The following MAN1A1 variants were observed in gnomAD, a reference collection of about 807,000 sequenced individuals.
MAN1A1 encodes the protein mannosyl-oligosaccharide 1,2-alpha-mannosidase IA.
Under a neutral mutation model 70.8 loss-of-function variants are expected in MAN1A1, and 29 were observed. The observed-to-expected ratio is 0.41, with a 90% CI of 0.31 to 0.56. MAN1A1 has a LOEUF of 0.56. MAN1A1 is among the 20% of genes least tolerant of loss of function. MAN1A1 has a pLI of 0.29. For synonymous variants in MAN1A1, 349 were observed against 330.1 expected (o/e 1.06, Z -0.62); for missense variants, 747 against 841.3 (o/e 0.89, Z 1.39).
chr6:119,183,229 T>C (rs1403502339), intron 11 of MAN1A1, among the ~76,000 whole-genome samples: 2 of 152,090 alleles, frequency 1.3e-5, no homozygotes, highest in Non-Finnish European at 2.9e-5. Context: ...GCCACATGAA[T>C]AAAGAAAATA....
At chr6:119,227,000 T>A in intron 6 of MAN1A1, among the ~76,000 whole-genome samples, 1 of 152,206 alleles carries the variant, frequency 6.6e-6, no homozygotes. Context: ...GCAGTTTTAC[T>A]TATGATCACT....
intron 2 of MAN1A1, among the ~76,000 whole-genome samples, chr6:119,320,088 T>C (rs1772966180): frequency 6.6e-6 from 1 of 152,208 alleles, no homozygotes; most frequent in East Asian, 1.9e-4. Context: ...ATTCTTCTGC[T>C]TCAGCCTCCC....
At chr6:119,272,320 C>G (rs1775946978) in intron 5 of MAN1A1, among the ~76,000 whole-genome samples, 1 of 152,086 alleles carries the variant, frequency 6.6e-6, no homozygotes, top group South Asian at 2.1e-4. Flanking sequence ...ACCAGGTTTT[C>G]TTTTTTCTCC....
intron 5 of MAN1A1, among the ~76,000 whole-genome samples, chr6:119,279,679 C>T (rs1776176820): frequency 6.6e-6 from 1 of 152,144 alleles, no homozygotes; most frequent in Non-Finnish European, 1.5e-5. Flanking sequence ...ATTTATTTGC[C>T]ACCAAGTCTA....
chr6:119,303,749 A>G (rs1442409203), intron 3 of MAN1A1, among the ~76,000 whole-genome samples: 1 of 152,182 alleles, frequency 6.6e-6, no homozygotes, highest in Non-Finnish European at 1.5e-5. Context: ...GCCGCACTCC[A>G]GGTAGACTAC....
At position 119,348,764 on chromosome 6, in the gene MAN1A1, C is replaced by T. The variant is rs777816784; in HGVS notation, c.302G>A (p.Arg101Gln). ...TGCCCCCTCCTCGCGGCGCCGGGCT[C>T]GCCCCTCGGCCGCGTCCTCGGCGCG... ...GARAEDAAEG[R>Q]ARRREEGAPG... The change falls in exon 2 of 13, where the codon CGA (arginine) becomes CAA (glutamine). Residue 101 changes from arginine to glutamine, a missense_variant. Arg to Gln is a conservative substitution (Grantham distance 43). Around this residue, in one of 2 missense-constraint regions of MAN1A1, gnomAD observed 328 missense variants for 293.1 expected, o/e 1.12. Transcript: ENST00000368468. 7.5e-6 allele frequency: 11 copies of T among 1,476,410 alleles called. No homozygotes were observed. The highest frequency in any genetic ancestry group is 2.8e-5 in the South Asian group (2 of 71,086). The allele number at this position is 1,476,410 out of a possible 1,614,324, so 91.5% of individuals were successfully genotyped here. A position where few individuals can be genotyped will look rare whatever the true frequency, so the allele number is the denominator to read the frequency against.
Position 119,180,024 on chromosome 6 carries a change from A to G in MAN1A1, c.1836-79T>C, listed in dbSNP as rs1364355528. On this transcript the variant is annotated intron_variant, in intron 12 of 12. Transcript: ENST00000368468. ...ACCACAAACACACAGCAAAAACCAC[A>G]TCAATGTCTGCATTCATCTTACCAA... is the stretch of plus-strand genomic sequence containing the variant. The G allele has an allele frequency of 2.1e-6, 3 of 1,407,480 alleles. No homozygotes were observed. The African/African-American group carries it at 4.3e-5, about 20-fold the overall frequency. 87.2% of individuals were successfully genotyped at this position (1,407,480 alleles called of 1,614,324 possible). A position where few individuals can be genotyped will look rare whatever the true frequency, so the allele number is the denominator to read the frequency against.
chr6:119,337,913 A>G (rs1322182616), intron 2 of MAN1A1, among the ~76,000 whole-genome samples: 1 of 152,188 alleles, frequency 6.6e-6, no homozygotes, highest in Non-Finnish European at 1.5e-5. Flanking sequence ...TTTACTACAT[A>G]AAGTTCATTT....
At position 119,204,793 on chromosome 6, in the gene MAN1A1, C is replaced by T. The variant is rs746185029; in HGVS notation, c.1082G>A (p.Ser361Asn). 6.2e-7 allele frequency: 1 copy of T among 1,613,942 alleles called. No individual in the cohort carries two copies. The highest frequency in any genetic ancestry group is 2.2e-5 in the East Asian group (1 of 44,876). ...AAAGATGGGGTTTCCTGATAAGTGGCTCAAGTGCATAAACTCCAAATGCAG... is the reference window on the plus strand; with the variant it reads ...AAAGATGGGGTTTCCTGATAAGTGGTTCAAGTGCATAAACTCCAAATGCAG... ...GTLHLEFMHL[S>N]HLSGNPIFAE... Residue 361 changes from serine to asparagine, a missense_variant, in exon 7 of 13, where the codon AGC becomes AAC. Transcript: ENST00000368468.
At position 119,348,802 on chromosome 6, in the gene MAN1A1, G is replaced by T; in HGVS notation, c.264C>A (p.Pro88=). 7.0e-7 allele frequency: 1 copy of T among 1,437,986 alleles called. No individual in the cohort carries two copies. The highest frequency in any genetic ancestry group is 9.2e-7 in the Non-Finnish European group (1 of 1,090,460). 89.1% of individuals were successfully genotyped at this position (1,437,986 alleles called of 1,614,324 possible). A position where few individuals can be genotyped will look rare whatever the true frequency, so the allele number is the denominator to read the frequency against. ...CGTCCTCGGCGCGCGCCCCGGGCCC[G>T]GGCTTGTGGTCGGCGGCCGGCTGCA... ...PALQPAADHK[P]GPGARAEDAA... Residue 88 remains proline, a synonymous_variant, in exon 2 of 13, where the codon CCC becomes CCA. Transcript: ENST00000368468.
chr6:119,186,230 T>G (rs1280081002), intron 11 of MAN1A1, among the ~76,000 whole-genome samples: 2 of 152,160 alleles, frequency 1.3e-5, no homozygotes, highest in Non-Finnish European at 2.9e-5. Flanking sequence ...CTTGGGTTGA[T>G]GAGGAACAGC....
chr6:119,339,492 T>G (rs1310547502), intron 2 of MAN1A1, among the ~76,000 whole-genome samples: 2 of 152,106 alleles, frequency 1.3e-5, no homozygotes, highest in South Asian at 4.1e-4. Context: ...AAAGTATATA[T>G]AGTGTGGTTA....
At position 119,177,948 on chromosome 6, in the gene MAN1A1, T is replaced by A. The variant is rs1773047945; in HGVS notation, c.*1871A>T. On this transcript the variant is annotated 3_prime_UTR_variant, in exon 13 of 13. Transcript: ENST00000368468. ...ATTATATTCTTAATTTTGGCAATAA[T>A]TTTTAATATTTTGCCTTAAAGTCCT... 6.6e-6 allele frequency: 1 copy of A among 152,136 alleles called. No homozygotes were observed. Among genetic ancestry groups the A allele is most frequent in the Admixed American group, 6.5e-5 (1 of 15,274 alleles). The allele number at this position is 152,136 out of a possible 1,614,324, so 9.4% of individuals were successfully genotyped here.
intron 2 of MAN1A1, among the ~76,000 whole-genome samples, chr6:119,313,412 A>G (rs1045888992): frequency 6.6e-6 from 1 of 152,124 alleles, no homozygotes; most frequent in African/African-American, 2.4e-5. Context: ...GATAGTTTCC[A>G]ATTTTACCCC....
chr6:119,239,046 G>A (rs553773443), intron 6 of MAN1A1, among the ~76,000 whole-genome samples: 43 of 152,090 alleles, frequency 2.8e-4, no homozygotes, highest in African/African-American at 9.4e-4. Flanking sequence ...ACCTGCCACC[G>A]CGCCTGGCTA....
intron 5 of MAN1A1, among the ~76,000 whole-genome samples, chr6:119,285,629 G>A (rs1267799432): frequency 6.8e-6 from 1 of 147,472 alleles, no homozygotes; most frequent in African/African-American, 2.5e-5. Context: ...TTTCCAATTA[G>A]GCCTTTTGTT....
intron 2 of MAN1A1, among the ~76,000 whole-genome samples, chr6:119,341,025 T>C (rs1773582037): frequency 6.6e-6 from 1 of 152,206 alleles, no homozygotes; most frequent in Non-Finnish European, 1.5e-5. Context: ...TTTTCAATTT[T>C]ATTATCTCTG....
At chr6:119,336,426 C>T (rs1055233924) in intron 2 of MAN1A1, among the ~76,000 whole-genome samples, 1 of 151,766 alleles carries the variant, frequency 6.6e-6, no homozygotes, top group Non-Finnish European at 1.5e-5. Context: ...AAGTCTGAAT[C>T]ATTACTTTAT....
intron 5 of MAN1A1, among the ~76,000 whole-genome samples, chr6:119,282,751 T>C: frequency 6.6e-6 from 1 of 152,062 alleles, no homozygotes; most frequent in East Asian, 1.9e-4. Context: ...TATACAACAA[T>C]TACATAATTA....
Sources: gnomAD v4.1 joint callset for allele counts (sites outside exome capture counted in the v4.1 genomes callset) on GRCh38, gnomAD v4.1.1 for gene constraint, gnomAD v4.1.1 regional missense constraint, MANE v1.5 for transcripts, NCBI Gene and HGNC (gene_info 2026-07-23, HGNC 2026-07-21) for gene names.